EIF4G3: variants seen among roughly 807,000 people sequenced by gnomAD.
EIF4G3 encodes the protein eIF-4-gamma 3.
Under a neutral mutation model 186.4 loss-of-function variants are expected in EIF4G3, and 34 were observed. The ratio of observed to expected loss-of-function variants is 0.18; its 90% CI spans 0.14 to 0.24. The LOEUF is 0.24. Among genes scored for constraint, EIF4G3 ranks in the 10% least tolerant of loss-of-function variants. The pLI is 1.00. For synonymous variants in EIF4G3, 673 were observed against 679.5 expected (o/e 0.99, Z 0.15); for missense variants, 1,536 against 1,948.5 (o/e 0.79, Z 3.99).
chr1:20,972,075 G>C (rs960068951), intron 11 of EIF4G3, among the ~76,000 whole-genome samples: 1 of 152,108 alleles, frequency 6.6e-6, no homozygotes, highest in Admixed American at 6.6e-5. Context: ...GTAAGGAATT[G>C]CAAGCCACTC....
intron 2 of EIF4G3, among the ~76,000 whole-genome samples, chr1:21,148,961 T>C (rs1573354177): frequency 1.3e-5 from 2 of 152,064 alleles, no homozygotes; most frequent in African/African-American, 4.8e-5. Context: ...CCAGGTAGGG[T>C]GGCTCATGCC....
intron 20 of EIF4G3, among the ~76,000 whole-genome samples, chr1:20,866,494 G>C (rs948889405): frequency 6.6e-6 from 1 of 152,142 alleles, no homozygotes; most frequent in African/African-American, 2.4e-5. Flanking sequence ...AAAGGCTACT[G>C]TATCCTTAAC....
At chr1:21,124,886 A>T (rs1337920820) in intron 2 of EIF4G3, among the ~76,000 whole-genome samples, 1 of 152,228 alleles carries the variant, frequency 6.6e-6, no homozygotes. Context: ...TAATATTTCC[A>T]TCATAATTTT....
intron 27 of EIF4G3, among the ~76,000 whole-genome samples, chr1:20,852,881 C>T (rs1248910779): frequency 6.6e-6 from 1 of 151,710 alleles, no homozygotes; most frequent in Non-Finnish European, 1.5e-5. Flanking sequence ...AAACTTATTA[C>T]AATAATAATA....
chr1:21,141,205 G>A (rs1189034309), intron 2 of EIF4G3, among the ~76,000 whole-genome samples: 2 of 152,068 alleles, frequency 1.3e-5, no homozygotes, highest in African/African-American at 4.8e-5. Context: ...CATAAACGAA[G>A]AGGTGTCAAC....
At chr1:20,847,176 G>A (rs2071399173) in intron 29 of EIF4G3, among the ~76,000 whole-genome samples, 1 of 152,168 alleles carries the variant, frequency 6.6e-6, no homozygotes, top group Non-Finnish European at 1.5e-5. Context: ...TCTGAAAAAT[G>A]GGTATGATAA....
chr1:21,079,623 G>C (rs1035315354), intron 3 of EIF4G3, among the ~76,000 whole-genome samples: 1 of 151,230 alleles, frequency 6.6e-6, no homozygotes, highest in Non-Finnish European at 1.5e-5. Flanking sequence ...GGTTGAGGCT[G>C]CAGCGAGCCA....
chr1:21,064,408 T>G (rs964182532), intron 3 of EIF4G3: 6 of 152,208 alleles, frequency 3.9e-5, no homozygotes, highest in Non-Finnish European at 7.3e-5. Context: ...ATTTTCTCTG[T>G]TACTAATTCA....
At position 20,862,356 on chromosome 1, in the gene EIF4G3, A is replaced by C. The variant is rs1292088518; in HGVS notation, c.3007-24T>G. 2.2e-6 allele frequency: 3 copies of C among 1,357,160 alleles called. No homozygotes were observed. In the Admixed American group the frequency reaches 6.2e-5, roughly 28 times the overall value. 84.1% of individuals were successfully genotyped at this position (1,357,160 alleles called of 1,614,324 possible). On this transcript the variant is annotated intron_variant, in intron 22 of 36. Transcript: ENST00000602326. Reference sequence around the variant, plus strand: ...GGCTGCAAGAGACAAAATCATTAGTACTCCTGTCTGAGAAACTTAAACGTA... The same window carrying C: ...GGCTGCAAGAGACAAAATCATTAGTCCTCCTGTCTGAGAAACTTAAACGTA...
intron 11 of EIF4G3, among the ~76,000 whole-genome samples, chr1:20,970,331 C>A (rs939477310): frequency 3.3e-5 from 5 of 152,042 alleles, no homozygotes; most frequent in African/African-American, 1.2e-4. Flanking sequence ...TATCATACGT[C>A]GGCCAGGCGC....
intron 2 of EIF4G3, among the ~76,000 whole-genome samples, chr1:21,097,819 G>A (rs957310629): frequency 6.6e-6 from 1 of 152,154 alleles, no homozygotes; most frequent in African/African-American, 2.4e-5. Context: ...AATTCAAAAT[G>A]TGTGGATCTA....
intron 3 of EIF4G3, among the ~76,000 whole-genome samples, chr1:21,083,349 A>G (rs2095854994): frequency 6.7e-6 from 1 of 148,850 alleles, no homozygotes; most frequent in African/African-American, 2.5e-5. Flanking sequence ...ACACAAACAC[A>G]TTTTTTTTTT....
intron 2 of EIF4G3, chr1:21,169,552 T>C (rs1558289638): frequency 6.6e-6 from 1 of 152,220 alleles, no homozygotes; most frequent in African/African-American, 2.4e-5. Context: ...AAATTTCTCA[T>C]TTAATTATGT....
intron 12 of EIF4G3, among the ~76,000 whole-genome samples, chr1:20,965,141 G>T (rs1397242577): frequency 6.6e-6 from 1 of 152,096 alleles, no homozygotes; most frequent in Non-Finnish European, 1.5e-5. Flanking sequence ...CCCTGGTCAG[G>T]GCTCTCTTAG....
At chr1:21,174,425 T>C (rs2098059223) in intron 2 of EIF4G3, among the ~76,000 whole-genome samples, 1 of 152,190 alleles carries the variant, frequency 6.6e-6, no homozygotes. Context: ...TCCTTACTAC[T>C]CTGTACATCA....
rs188521645 is a variant in EIF4G3, at chr1:20,945,786, G to T, written c.824-3456C>A. 2.6e-4 allele frequency among the ~76,000 whole-genome samples: 40 copies of T among 152,200 alleles called. No homozygotes were observed. The East Asian group carries it at 7.7e-3, about 29-fold the overall frequency. On this transcript the variant is annotated intron_variant, in intron 13 of 36. Coordinates refer to ENST00000602326, the MANE Select transcript of EIF4G3 (RefSeq NM_001391906.1). ...AGGCGTGAGCCACTGCATCTGGCAAGAATTTGTTTGTTTGTTTGTTTGTTT... is the reference window on the plus strand; with the variant it reads ...AGGCGTGAGCCACTGCATCTGGCAATAATTTGTTTGTTTGTTTGTTTGTTT...
chr1:21,108,463 A>C (rs2096656696), intron 2 of EIF4G3, among the ~76,000 whole-genome samples: 1 of 152,152 alleles, frequency 6.6e-6, no homozygotes, highest in East Asian at 1.9e-4. Flanking sequence ...ACGGGTTGTC[A>C]ATTTTACTCT....
intron 4 of EIF4G3, among the ~76,000 whole-genome samples, chr1:21,016,812 T>C (rs749138561): frequency 4.6e-5 from 7 of 151,738 alleles, no homozygotes; most frequent in Non-Finnish European, 1.0e-4. Flanking sequence ...TACTAAAAAA[T>C]ATAAAAATTA....
intron 4 of EIF4G3, among the ~76,000 whole-genome samples, chr1:21,029,460 T>A (rs1389613850): frequency 6.8e-6 from 1 of 147,460 alleles, no homozygotes; most frequent in East Asian, 2.0e-4. Flanking sequence ...AAAGAGAAAT[T>A]GAGTCGGGGG....
Sources: allele counts gnomAD v4.1 joint callset (sites outside exome capture counted in the v4.1 genomes callset), GRCh38; gene constraint gnomAD v4.1.1; transcripts MANE v1.5; gene names NCBI Gene and HGNC (gene_info 2026-07-23, HGNC 2026-07-21).